MSI2: variants seen among roughly 807,000 people sequenced by gnomAD.
MSI2 encodes musashi RNA binding protein 2, also known as RNA-binding protein Musashi homolog 2.
Under a neutral mutation model 45.6 loss-of-function variants are expected in MSI2, and 17 were observed. The ratio of observed to expected loss-of-function variants is 0.37; its 90% CI spans 0.26 to 0.56. The LOEUF (loss-of-function observed/expected upper bound fraction) is 0.56, where lower values mean the gene tolerates loss of function less well. MSI2 is among the 20% of genes least tolerant of loss of function. MSI2 has a pLI of 0.77. For missense variants in MSI2, 293 were observed against 444.2 expected (o/e 0.66, Z 3.06); for synonymous variants, 156 against 158.2 (o/e 0.99, Z 0.11).
chr17:57,364,823 G>A (rs1975469), intron 5 of MSI2: 14 of 151,986 alleles, frequency 9.2e-5, no homozygotes, highest in African/African-American at 1.9e-4. Context: ...GGATTTCTTC[G>A]GGCCTGTGTG....
chr17:57,515,226 C>T lies in MSI2; in HGVS notation c.406-14450C>T, dbSNP rs113643758. Among the ~76,000 whole-genome samples, 282 of 151,750 alleles carry T rather than the reference C, an allele frequency of 1.9e-3. 1 individual carries two copies. The highest frequency in any genetic ancestry group is 6.5e-3 in the African/African-American group (270 of 41,480). On this transcript the variant is annotated intron_variant, in intron 6 of 13. Transcript: ENST00000284073. ...TATTTTGTTTTGTTTTGTTTTGAGA[C>T]GGAGTCTCGCTCTGTTGCCCAGACT...
chr17:57,515,289 C>T (rs982243721), intron 6 of MSI2, among the ~76,000 whole-genome samples: 1 of 152,146 alleles, frequency 6.6e-6, no homozygotes, highest in African/African-American at 2.4e-5. Flanking sequence ...CCGCAACCTC[C>T]GCCTCCCGGG....
chr17:57,690,028 A>C, the MSI2 span, among the ~76,000 whole-genome samples: 1 of 152,154 alleles, frequency 6.6e-6, no homozygotes, highest in Non-Finnish European at 1.5e-5. Flanking sequence ...GTCATATGGC[A>C]AGCATATATT....
chr17:57,320,840 G>A (rs905776003), intron 5 of MSI2, among the ~76,000 whole-genome samples: 1 of 151,220 alleles, frequency 6.6e-6, no homozygotes, highest in African/African-American at 2.5e-5. Context: ...AAGAGACATG[G>A]GTACAAAGGG....
At chr17:57,286,135 T>C (rs1484825083) in intron 5 of MSI2, 2 of 617,032 alleles carry the variant, frequency 3.2e-6, no homozygotes, top group East Asian at 3.1e-5. Context: ...CCTTATCTCA[T>C]TTTTGGGATT....
chr17:57,287,246 G>T lies in MSI2; in HGVS notation c.312+25054G>T, dbSNP rs76760981. Among the ~76,000 whole-genome samples the T allele has an allele frequency of 4.8e-3, 724 of 152,024 alleles. 5 individuals are homozygous for T. Among genetic ancestry groups the T allele is most frequent in the Non-Finnish European group, 7.2e-3 (489 of 67,994 alleles). On this transcript the variant is annotated intron_variant, in intron 5 of 13. Transcript: ENST00000284073. ...TGTGGGAAATTAGTGCAGGCCCAAG[G>T]AAAGGAAGTGTGAAACTGCTTCCCT...
chr17:57,417,610 A>G (rs910341586), intron 6 of MSI2, among the ~76,000 whole-genome samples: 3 of 152,034 alleles, frequency 2.0e-5, no homozygotes, highest in African/African-American at 7.3e-5. Flanking sequence ...GGAACGGTAG[A>G]TGTGATCTTT....
intron 5 of MSI2, among the ~76,000 whole-genome samples, chr17:57,361,293 A>G (rs1489262820): frequency 3.9e-5 from 6 of 152,190 alleles, no homozygotes; most frequent in Non-Finnish European, 5.9e-5. Flanking sequence ...AGTAAGCTAG[A>G]CAAAAGAAAA....
intron 10 of MSI2, among the ~76,000 whole-genome samples, chr17:57,639,458 A>G (rs761233789): frequency 5.9e-5 from 9 of 152,192 alleles, no homozygotes; most frequent in Non-Finnish European, 8.8e-5. Context: ...TCTCAAACCC[A>G]GGGAATCCCG....
intron 6 of MSI2, among the ~76,000 whole-genome samples, chr17:57,423,160 A>G (rs927690192): frequency 6.6e-6 from 1 of 152,260 alleles, no homozygotes; most frequent in Non-Finnish European, 1.5e-5. Flanking sequence ...TTTGTGATGC[A>G]TATCAAAATA....
At chr17:57,481,587 T>A (rs1199548794) in intron 6 of MSI2, among the ~76,000 whole-genome samples, 3 of 152,240 alleles carry the variant, frequency 2.0e-5, no homozygotes, top group Non-Finnish European at 4.4e-5. Context: ...TTCTTCCACA[T>A]AATACTTCTG....
chr17:57,374,646 T>G (rs1464136301), intron 5 of MSI2, among the ~76,000 whole-genome samples: 2 of 151,906 alleles, frequency 1.3e-5, no homozygotes, highest in Non-Finnish European at 2.9e-5. Flanking sequence ...GGCATGGTGG[T>G]GCAGCGCCTG....
chr17:57,390,145 A>G (rs6503810), intron 5 of MSI2, among the ~76,000 whole-genome samples: 12,458 of 151,870 alleles, frequency 0.082, 660 homozygotes, highest in African/African-American at 0.14. Context: ...AGTCTCTTCT[A>G]CTCAGGAGGC....
At chr17:57,478,144 A>C (rs533521161) in intron 6 of MSI2, among the ~76,000 whole-genome samples, 63 of 152,296 alleles carry the variant, frequency 4.1e-4, no homozygotes, top group Non-Finnish European at 7.6e-4. Context: ...CACACTGGGC[A>C]CATTGATGGC....
intron 6 of MSI2, among the ~76,000 whole-genome samples, chr17:57,462,243 G>A (rs1366048077): frequency 1.3e-5 from 2 of 152,210 alleles, no homozygotes; most frequent in Non-Finnish European, 2.9e-5. Context: ...AGTCACATTG[G>A]ATTAGGGTTC....
At chr17:57,471,556 A>G (rs2908826) in intron 6 of MSI2, among the ~76,000 whole-genome samples, 118,029 of 151,982 alleles carry the variant, frequency 0.78, 46,273 homozygotes, top group East Asian at 0.91. Flanking sequence ...TGACCTGTTG[A>G]TCATAAATGC....
chr17:57,378,674 G>A (rs2083544983), intron 5 of MSI2, among the ~76,000 whole-genome samples: 1 of 152,242 alleles, frequency 6.6e-6, no homozygotes, highest in South Asian at 2.1e-4. Flanking sequence ...TAGGATTACA[G>A]GAGTGAGCCA....
chr17:57,297,305 G>T (rs1013657905), intron 5 of MSI2, among the ~76,000 whole-genome samples: 1 of 151,622 alleles, frequency 6.6e-6, no homozygotes, highest in African/African-American at 2.4e-5. Flanking sequence ...AGTGAATATT[G>T]CAGTAAAGCT....
intron 6 of MSI2, among the ~76,000 whole-genome samples, chr17:57,415,128 A>G (rs891798281): frequency 6.6e-6 from 1 of 151,960 alleles, no homozygotes; most frequent in Non-Finnish European, 1.5e-5. Context: ...GATGTTATGG[A>G]TCCTCTGGGC....
Sources: gnomAD v4.1 joint callset for allele counts (sites outside exome capture counted in the v4.1 genomes callset) on GRCh38, gnomAD v4.1.1 for gene constraint, MANE v1.5 for transcripts, NCBI Gene and HGNC (gene_info 2026-07-23, HGNC 2026-07-21) for gene names.